ROBO2: variants seen among roughly 807,000 people sequenced by gnomAD.
ROBO2 encodes the protein roundabout guidance receptor 2, also known as roundabout homolog 2.
Under a neutral mutation model 160.8 loss-of-function variants are expected in ROBO2, and 53 were observed. The ratio of observed to expected loss-of-function variants is 0.33; its 90% CI spans 0.26 to 0.41. The LOEUF (loss-of-function observed/expected upper bound fraction) is 0.41. Among genes scored for constraint, ROBO2 ranks in the 10% least tolerant of loss-of-function variants. The pLI, the probability that ROBO2 is intolerant of heterozygous loss-of-function variation, is 1.00. For missense variants in ROBO2, 1,577 were observed against 1,722.4 expected, an observed-to-expected ratio of 0.92 and a Z score of 1.49; for synonymous variants, 664 against 611.7, an observed-to-expected ratio of 1.09 and a Z score of -1.26.
At chr3:77,337,283 A>G (rs189504442) in intron 2 of ROBO2, among the ~76,000 whole-genome samples, 58 of 152,282 alleles carry the variant, frequency 3.8e-4, no homozygotes, top group African/African-American at 1.3e-3. Context: ...CAGTGATCAG[A>G]AAGTAATTTC....
At chr3:76,559,706 C>T (rs1463519996) in intron 2 of ROBO2, among the ~76,000 whole-genome samples, 1 of 152,052 alleles carries the variant, frequency 6.6e-6, no homozygotes, top group Non-Finnish European at 1.5e-5. Flanking sequence ...CCTTTGGCTC[C>T]TGAGATTTGC....
intron 2 of ROBO2, among the ~76,000 whole-genome samples, chr3:77,200,306 T>C (rs2082758103): frequency 1.2e-5 from 1 of 84,532 alleles, no homozygotes; most frequent in East Asian, 3.2e-4. Flanking sequence ...TATATATATA[T>C]ATATATATAT....
At chr3:77,277,981 C>T (rs1228269423) in intron 2 of ROBO2, among the ~76,000 whole-genome samples, 2 of 152,100 alleles carry the variant, frequency 1.3e-5, no homozygotes, top group African/African-American at 4.8e-5. Context: ...TGTTTCTTAA[C>T]TTTTTAATAA....
chr3:77,402,275 G>A (rs1007813359), intron 2 of ROBO2, among the ~76,000 whole-genome samples: 4 of 152,050 alleles, frequency 2.6e-5, no homozygotes, highest in Non-Finnish European at 5.9e-5. Flanking sequence ...ATCACACACC[G>A]GGGCCTGTCT....
intron 2 of ROBO2, among the ~76,000 whole-genome samples, chr3:75,965,853 C>T (rs1233834212): frequency 1.3e-5 from 2 of 151,558 alleles, no homozygotes; most frequent in Admixed American, 1.3e-4. Context: ...ATGAAATATA[C>T]AGTAACAAGG....
At chr3:76,005,198 A>G (rs964285874) in intron 2 of ROBO2, among the ~76,000 whole-genome samples, 1 of 152,198 alleles carries the variant, frequency 6.6e-6, no homozygotes, top group Non-Finnish European at 1.5e-5. Context: ...GACTGAATGG[A>G]AATATACATG....
intron 16 of ROBO2, among the ~76,000 whole-genome samples, chr3:77,586,059 C>A (rs34171318): frequency 1.3e-5 from 2 of 152,002 alleles, no homozygotes; most frequent in African/African-American, 4.8e-5. Flanking sequence ...CATTAAGGAA[C>A]CATTAATTAA....
chr3:76,433,309 G>T (rs757996033), intron 2 of ROBO2, among the ~76,000 whole-genome samples: 1 of 152,144 alleles, frequency 6.6e-6, no homozygotes, highest in African/African-American at 2.4e-5. Flanking sequence ...AATGCAGTAT[G>T]TCCAGTTGAA....
chr3:77,193,958 A>G (rs563876312), intron 2 of ROBO2, among the ~76,000 whole-genome samples: 7 of 152,046 alleles, frequency 4.6e-5, no homozygotes, highest in Non-Finnish European at 7.4e-5. Flanking sequence ...ATCAGGAACT[A>G]TATTTTCAGA....
chr3:76,119,943 TTCCTTCCTTCCTTCC>T, intron 2 of ROBO2, among the ~76,000 whole-genome samples: 1 of 135,498 alleles, frequency 7.4e-6, no homozygotes, highest in East Asian at 2.7e-4. Context: ...CCTTCCTTCC[TTCCTTCCTTCCTTCC>T]TTCCTTCCTT....
In ROBO2 at chr3:77,198,743, A is replaced by T. The variant is rs745315457; in HGVS notation, c.388+100403A>T. ...TGGTGAAACCCTGTCTCTATTAAAG[A>T]TACAAAAAAATTAGCCAGACATGGT... is the stretch of plus-strand genomic sequence containing the variant. On this transcript the variant is annotated intron_variant, in intron 2 of 25. Coordinates refer to ENST00000461745, the Ensembl canonical transcript of ROBO2. 7.4e-4 allele frequency among the ~76,000 whole-genome samples: 113 copies of T among 152,122 alleles called. 1 individual carries two copies. Among genetic ancestry groups the T allele is most frequent in the Non-Finnish European group, 9.4e-4 (64 of 68,018 alleles).
intron 6 of ROBO2, among the ~76,000 whole-genome samples, chr3:77,539,141 A>G (rs991486484): frequency 3.3e-5 from 5 of 152,160 alleles, no homozygotes; most frequent in Non-Finnish European, 7.4e-5. Flanking sequence ...GCTGATCTCA[A>G]ACTCCAGAGC....
intron 2 of ROBO2, among the ~76,000 whole-genome samples, chr3:77,129,301 G>A (rs948451591): frequency 6.6e-6 from 1 of 152,128 alleles, no homozygotes; most frequent in African/African-American, 2.4e-5. Context: ...TTAGGTTTAT[G>A]CAAAAGTAAT....
chr3:77,370,328 T>C (rs72897293), intron 2 of ROBO2, among the ~76,000 whole-genome samples: 5,880 of 152,276 alleles, frequency 0.039, 384 homozygotes, highest in African/African-American at 0.13. Context: ...TCACCTTACA[T>C]TGGAGTCTCC....
intron 2 of ROBO2, among the ~76,000 whole-genome samples, chr3:77,396,276 A>G (rs1311779864): frequency 6.6e-6 from 1 of 152,130 alleles, no homozygotes; most frequent in Non-Finnish European, 1.5e-5. Context: ...AAAAACTAGA[A>G]AAATCAGTCA....
intron 2 of ROBO2, among the ~76,000 whole-genome samples, chr3:76,762,215 T>C (rs2061344842): frequency 6.6e-6 from 1 of 151,608 alleles, no homozygotes; most frequent in South Asian, 2.1e-4. Context: ...AGCTATTTTA[T>C]GCAATTGCCT....
At chr3:77,545,851 T>C (rs1049016898) in intron 6 of ROBO2, among the ~76,000 whole-genome samples, 1 of 152,240 alleles carries the variant, frequency 6.6e-6, no homozygotes, top group East Asian at 1.9e-4. Flanking sequence ...ATAAGCACTT[T>C]TAAGAATAGG....
At chr3:76,298,351 A>T (rs1709189831) in intron 2 of ROBO2, among the ~76,000 whole-genome samples, 2 of 152,192 alleles carry the variant, frequency 1.3e-5, no homozygotes, top group Non-Finnish European at 2.9e-5. Context: ...GATCCAATAT[A>T]GACCAAGAAA....
Position 76,402,014 on chromosome 3 carries a change from G to A in ROBO2, c.109+464412G>A, listed in dbSNP as rs747780649. Among the ~76,000 whole-genome samples the A allele has an allele frequency of 3.3e-5, 5 of 151,460 alleles. No homozygotes were observed. In the East Asian group the frequency reaches 7.7e-4, roughly 23 times the overall value. Reference sequence around the variant, plus strand: ...TTTTTTAGTTTAACACTAAGAAGACGTGAATGCTTGAACAAATATAAGCCT... The same window carrying A: ...TTTTTTAGTTTAACACTAAGAAGACATGAATGCTTGAACAAATATAAGCCT... On this transcript the variant is annotated intron_variant, in intron 2 of 26. Coordinates refer to the ROBO2 transcript ENST00000487694.
Sources: gnomAD v4.1 joint callset for allele counts (sites outside exome capture counted in the v4.1 genomes callset) on GRCh38, gnomAD v4.1.1 for gene constraint, MANE v1.5 for transcripts, NCBI Gene and HGNC (gene_info 2026-07-23, HGNC 2026-07-21) for gene names.